Variants in KCNIP4 observed in about 807,000 individuals in gnomAD.
KCNIP4 encodes the protein Kv channel-interacting protein 4.
Under a neutral mutation model 34.0 loss-of-function variants are expected in KCNIP4, and 12 were observed. The observed-to-expected ratio is 0.35, with a 90% CI of 0.23 to 0.57. The LOEUF (loss-of-function observed/expected upper bound fraction) is 0.57. Among genes scored for constraint, KCNIP4 ranks in the 20% least tolerant of loss-of-function variants. The probability of loss-of-function intolerance (pLI) is 0.83; values close to 1 mark genes in which losing one functional copy is unlikely to be tolerated. For missense variants in KCNIP4, 238 were observed against 311.7 expected (o/e 0.76, Z 1.78); for synonymous variants, 124 against 102.2 (o/e 1.21, Z -1.29).
At chr4:21,010,403 A>G (rs1738962952) in intron 1 of KCNIP4, among the ~76,000 whole-genome samples, 1 of 152,074 alleles carries the variant, frequency 6.6e-6, no homozygotes, top group Non-Finnish European at 1.5e-5. Flanking sequence ...CCACACTCTT[A>G]GTCTAATGAC....
At chr4:21,186,046 C>G (rs1221619298) in intron 1 of KCNIP4, among the ~76,000 whole-genome samples, 2 of 152,178 alleles carry the variant, frequency 1.3e-5, no homozygotes, top group Admixed American at 6.5e-5. Flanking sequence ...CATAAATAAC[C>G]TACCTCTTAT....
At chr4:21,752,985 T>C (rs1383447526) in intron 1 of KCNIP4, among the ~76,000 whole-genome samples, 4 of 152,120 alleles carry the variant, frequency 2.6e-5, no homozygotes, top group African/African-American at 9.7e-5. Flanking sequence ...CTGCTGCAAT[T>C]AGAGGGTTTT....
At chr4:20,730,240 C>T in intron 8 of KCNIP4, 111 bp from the exon 9 acceptor site, 3 of 1,299,622 alleles carry the variant, frequency 2.3e-6, no homozygotes, top group Non-Finnish European at 3.1e-6. Context: ...CCACCTATGC[C>T]AAAAGCTCAA....
intron 1 of KCNIP4, among the ~76,000 whole-genome samples, chr4:21,705,025 A>G (rs575368850): frequency 6.6e-6 from 1 of 152,230 alleles, no homozygotes; most frequent in Non-Finnish European, 1.5e-5. Context: ...ATGTGATACT[A>G]CACAGCAATA....
chr4:21,541,541 G>A (rs778698660), intron 1 of KCNIP4, among the ~76,000 whole-genome samples: 2 of 152,132 alleles, frequency 1.3e-5, no homozygotes, highest in East Asian at 1.9e-4. Flanking sequence ...TGAAGTTAAC[G>A]AAGCTTAGGC....
intron 1 of KCNIP4, among the ~76,000 whole-genome samples, chr4:21,671,341 T>C (rs73800275): frequency 0.016 from 2,394 of 152,272 alleles, 66 homozygotes; most frequent in African/African-American, 0.055. Flanking sequence ...AAGTGTATGA[T>C]TGATACCATG....
intron 1 of KCNIP4, among the ~76,000 whole-genome samples, chr4:21,494,882 T>TAATTTATA (rs1732731157): frequency 6.6e-6 from 1 of 152,168 alleles, no homozygotes; most frequent in Admixed American, 6.5e-5. Flanking sequence ...CTGTTAAAAT[T>TAATTTATA]AATTTATAAT....
chr4:20,731,405 C>G (rs1748163224), intron 8 of KCNIP4: 1 of 985,230 alleles, frequency 1.0e-6, no homozygotes, highest in African/African-American at 1.7e-5. Flanking sequence ...TCTGCCCACA[C>G]ATCAAGTCAA....
chr4:21,675,934 G>T (rs1171065177), intron 1 of KCNIP4, among the ~76,000 whole-genome samples: 1 of 152,174 alleles, frequency 6.6e-6, no homozygotes, highest in Non-Finnish European at 1.5e-5. Context: ...GTCTCTAGCA[G>T]AAAGAGAATG....
intron 1 of KCNIP4, among the ~76,000 whole-genome samples, chr4:21,528,485 G>T (rs554356751): frequency 6.6e-6 from 1 of 151,532 alleles, no homozygotes; most frequent in Non-Finnish European, 1.5e-5. Flanking sequence ...TGGCCAATGT[G>T]GTGAAACCCT....
chr4:21,313,732 A>C (rs1560281837), intron 1 of KCNIP4, among the ~76,000 whole-genome samples: 1 of 152,182 alleles, frequency 6.6e-6, no homozygotes, highest in Non-Finnish European at 1.5e-5. Flanking sequence ...AGAGCATGCT[A>C]TGTTAAGTTT....
rs148164878 is a variant in KCNIP4 at position 21,552,690 on chromosome 4, G to C, written c.61+395881C>G. Among the ~76,000 whole-genome samples, 330 of 152,194 alleles carry C rather than the reference G, an allele frequency of 2.2e-3. 5 individuals carry two copies. The highest frequency in any genetic ancestry group is 0.021 in the East Asian group (109 of 5,170). On this transcript the variant is annotated intron_variant, in intron 1 of 8. Transcript: ENST00000382152. ...AGAGAACAGATTGTTATCTGTACTTGTCACAGCAAAGCATATTTTTTTAAT... is the reference window on the plus strand; with the variant it reads ...AGAGAACAGATTGTTATCTGTACTTCTCACAGCAAAGCATATTTTTTTAAT...
At chr4:21,073,239 T>C (rs896771507) in intron 1 of KCNIP4, among the ~76,000 whole-genome samples, 1 of 152,152 alleles carries the variant, frequency 6.6e-6, no homozygotes, top group African/African-American at 2.4e-5. Context: ...CCTTGGGCAG[T>C]ATGGCCATTT....
intron 1 of KCNIP4, among the ~76,000 whole-genome samples, chr4:20,975,974 G>A (rs916284616): frequency 2.6e-5 from 4 of 152,148 alleles, no homozygotes; most frequent in African/African-American, 4.8e-5. Flanking sequence ...GGCTGCTTTT[G>A]TGCTACAACA....
intron 1 of KCNIP4, among the ~76,000 whole-genome samples, chr4:21,738,147 A>G (rs1036172193): frequency 4.0e-5 from 6 of 151,012 alleles, no homozygotes; most frequent in African/African-American, 1.5e-4. Context: ...AATAAATAAA[A>G]GGCTTAAAAG....
chr4:21,097,153 T>C (rs767337648), intron 1 of KCNIP4, among the ~76,000 whole-genome samples: 4 of 152,176 alleles, frequency 2.6e-5, no homozygotes, highest in Non-Finnish European at 5.9e-5. Flanking sequence ...GAGATGTTCA[T>C]AGCAACTTTA....
At chr4:21,911,750 T>C (rs1728347186) in intron 1 of KCNIP4, among the ~76,000 whole-genome samples, 2 of 151,960 alleles carry the variant, frequency 1.3e-5, no homozygotes, top group African/African-American at 2.4e-5. Flanking sequence ...TCCCATCTTG[T>C]AATTCAATCA....
At chr4:21,093,008 G>A (rs1747137633) in intron 1 of KCNIP4, among the ~76,000 whole-genome samples, 1 of 152,148 alleles carries the variant, frequency 6.6e-6, no homozygotes, top group African/African-American at 2.4e-5. Context: ...AAAACTAACG[G>A]CTTTGAGACA....
chr4:21,815,683 C>T (rs1271998152), intron 1 of KCNIP4, among the ~76,000 whole-genome samples: 2 of 152,092 alleles, frequency 1.3e-5, no homozygotes, highest in Non-Finnish European at 2.9e-5. Context: ...TGCAAATTAT[C>T]CTGTTTGTGA....
Sources: allele counts gnomAD v4.1 joint callset (sites outside exome capture counted in the v4.1 genomes callset), GRCh38; gene constraint gnomAD v4.1.1; transcripts MANE v1.5; gene names NCBI Gene and HGNC (gene_info 2026-07-23, HGNC 2026-07-21).